Variants in CNTNAP2 observed in about 807,000 individuals in gnomAD.
The protein encoded by CNTNAP2 is contactin-associated protein-like 2.
CNTNAP2 carries 98 observed loss-of-function variants against 155.2 expected under a neutral mutation model. The ratio of observed to expected loss-of-function variants is 0.63; its 90% CI spans 0.54 to 0.75. The LOEUF (loss-of-function observed/expected upper bound fraction) is 0.75, where lower values mean the gene tolerates loss of function less well. CNTNAP2 is among the 30% of genes least tolerant of loss of function. The pLI is 0.00. For synonymous variants in CNTNAP2, 651 were observed against 631.2 expected (o/e 1.03, Z -0.47); for missense variants, 1,727 against 1,688.1 (o/e 1.02, Z -0.40).
chr7:146,385,499 C>G (rs1344987535), intron 1 of CNTNAP2, among the ~76,000 whole-genome samples: 2 of 152,142 alleles, frequency 1.3e-5, no homozygotes, highest in African/African-American at 4.8e-5. Flanking sequence ...CACGTCATGC[C>G]TCATGATTAA....
intron 11 of CNTNAP2, among the ~76,000 whole-genome samples, chr7:147,532,535 CA>C (rs1240037991): frequency 6.6e-6 from 1 of 152,192 alleles, no homozygotes; most frequent in Non-Finnish European, 1.5e-5. Flanking sequence ...TACCCAGTTC[CA>C]AAGTTGCTTC....
chr7:147,427,108 A>G (rs1797390253), intron 10 of CNTNAP2, among the ~76,000 whole-genome samples: 1 of 152,138 alleles, frequency 6.6e-6, no homozygotes, highest in Non-Finnish European at 1.5e-5. Flanking sequence ...TCATTGCTAC[A>G]TCCTTCAGAG....
intron 15 of CNTNAP2, among the ~76,000 whole-genome samples, chr7:148,109,351 GTGTTTTGTTTTGTTTTGTTT>G (rs71188946): frequency 0.022 from 3,217 of 147,086 alleles, 136 homozygotes; most frequent in East Asian, 0.17. Flanking sequence ...AAGAAGAGAG[GTGTTTTGTTTTGTTTTGTTT>G]TGTTTTGTTT....
At chr7:147,169,839 A>G (rs546181057) in intron 8 of CNTNAP2, among the ~76,000 whole-genome samples, 21 of 152,270 alleles carry the variant, frequency 1.4e-4, no homozygotes, top group African/African-American at 4.8e-4. Flanking sequence ...CTTAAATGAT[A>G]TTACTGGATT....
intron 1 of CNTNAP2, among the ~76,000 whole-genome samples, chr7:146,325,038 G>A (rs1004843681): frequency 1.2e-4 from 19 of 152,106 alleles, no homozygotes; most frequent in Middle Eastern, 3.4e-3. Flanking sequence ...GTAATCAAGC[G>A]ATCCTCCCGC....
intron 10 of CNTNAP2, among the ~76,000 whole-genome samples, chr7:147,430,966 T>C (rs532477605): frequency 1.3e-5 from 2 of 151,356 alleles, no homozygotes; most frequent in South Asian, 4.2e-4. Context: ...GAGAATGGCG[T>C]GAACCTGAGA....
chr7:147,752,167 C>T (rs546491249), intron 13 of CNTNAP2, among the ~76,000 whole-genome samples: 117 of 152,266 alleles, frequency 7.7e-4, no homozygotes, highest in African/African-American at 2.6e-3. Flanking sequence ...GATACAGATA[C>T]GTAACTGACT....
intron 1 of CNTNAP2, among the ~76,000 whole-genome samples, chr7:146,347,155 A>C (rs1000687195): frequency 1.3e-5 from 2 of 151,700 alleles, no homozygotes; most frequent in East Asian, 1.9e-4. Flanking sequence ...AAAAAAAAAA[A>C]AAAAAACCCT....
At chr7:146,802,002 G>A (rs1338972575) in intron 2 of CNTNAP2, among the ~76,000 whole-genome samples, 4 of 152,042 alleles carry the variant, frequency 2.6e-5, no homozygotes, top group Non-Finnish European at 4.4e-5. Context: ...AACACATTCT[G>A]GAATTTAGAA....
intron 3 of CNTNAP2, among the ~76,000 whole-genome samples, chr7:146,897,787 C>T (rs1312135613): frequency 1.3e-5 from 2 of 151,904 alleles, no homozygotes; most frequent in East Asian, 3.9e-4. Flanking sequence ...TTAAGTTAGC[C>T]TCATTTTTTC....
intron 11 of CNTNAP2, among the ~76,000 whole-genome samples, chr7:147,545,847 G>T (rs1486952076): frequency 6.6e-6 from 1 of 152,184 alleles, no homozygotes. Flanking sequence ...GAGGGACCCA[G>T]TGGGAAATAA....
chr7:146,852,815 A>G (rs1437932880), intron 3 of CNTNAP2, among the ~76,000 whole-genome samples: 1 of 152,220 alleles, frequency 6.6e-6, no homozygotes, highest in African/African-American at 2.4e-5. Flanking sequence ...GAGAAGGTTA[A>G]GAAACACATT....
chr7:146,783,767 G>A (rs1390322876), intron 2 of CNTNAP2, among the ~76,000 whole-genome samples: 7 of 152,172 alleles, frequency 4.6e-5, no homozygotes, highest in Admixed American at 3.3e-4. Context: ...GTGAACACAC[G>A]TATATACATA....
intron 4 of CNTNAP2, among the ~76,000 whole-genome samples, chr7:147,069,603 T>A (rs1172611597): frequency 6.6e-6 from 1 of 152,160 alleles, no homozygotes; most frequent in Non-Finnish European, 1.5e-5. Context: ...AGAGGTCACA[T>A]AAATAATGGA....
intron 3 of CNTNAP2, among the ~76,000 whole-genome samples, chr7:146,938,831 A>G (rs1796983486): frequency 2.6e-5 from 4 of 152,110 alleles, no homozygotes; most frequent in Admixed American, 1.3e-4. Context: ...TTCAACAAAT[A>G]TTTATTGAGC....
At chr7:147,527,294 A>G (rs1186297153) in intron 11 of CNTNAP2, among the ~76,000 whole-genome samples, 1 of 152,022 alleles carries the variant, frequency 6.6e-6, no homozygotes, top group Non-Finnish European at 1.5e-5. Flanking sequence ...CAGTGCTGGG[A>G]TTACAGGCGT....
chr7:146,157,775 G>T (rs1324921064), intron 1 of CNTNAP2, among the ~76,000 whole-genome samples: 1 of 152,190 alleles, frequency 6.6e-6, no homozygotes, highest in African/African-American at 2.4e-5. Context: ...GATCAAGGAG[G>T]CCTGCCTGCC....
At chr7:148,275,567 C>A (rs1317556500) in intron 21 of CNTNAP2, among the ~76,000 whole-genome samples, 1 of 152,188 alleles carries the variant, frequency 6.6e-6, no homozygotes, top group Non-Finnish European at 1.5e-5. Context: ...TTCATGACTC[C>A]AGGCAGGGTG....
intron 3 of CNTNAP2, among the ~76,000 whole-genome samples, chr7:146,884,015 T>A (rs2129209949): frequency 6.6e-6 from 1 of 152,264 alleles, no homozygotes; most frequent in African/African-American, 2.4e-5. Flanking sequence ...AAATAGGGCA[T>A]TTTCAATAGA....
Sources: allele counts gnomAD v4.1 joint callset (sites outside exome capture counted in the v4.1 genomes callset), GRCh38; gene constraint gnomAD v4.1.1; transcripts MANE v1.5; gene names NCBI Gene and HGNC (gene_info 2026-07-23, HGNC 2026-07-21).